LRP1B: variants seen among roughly 807,000 people sequenced by gnomAD.
The protein encoded by LRP1B is LDL receptor related protein 1B.
A neutral mutation model predicts 556.6 loss-of-function variants in LRP1B; 217 were observed. That is an observed-to-expected ratio of 0.39 (90% confidence interval 0.35 to 0.44). LRP1B has a LOEUF of 0.44. Ranked by LOEUF, LRP1B falls within the 20% of genes least tolerant of loss-of-function variation. LRP1B has a pLI of 1.00. For missense variants in LRP1B, 5,053 were observed against 5,620.8 expected (o/e 0.90, Z 3.23); for synonymous variants, 2,047 against 1,865.8 (o/e 1.10, Z -2.50).
Position 140,802,233 on chromosome 2 carries a change from A to G in LRP1B, c.5359+11424T>C, listed in dbSNP as rs74714836. 4.0e-3 allele frequency among the ~76,000 whole-genome samples: 603 copies of G among 152,282 alleles called. 5 individuals are homozygous for G. Among genetic ancestry groups the G allele is most frequent in the African/African-American group, 0.014 (578 of 41,558 alleles). On this transcript the variant is annotated intron_variant, in intron 32 of 90. Coordinates refer to ENST00000389484, the MANE Select transcript of LRP1B (RefSeq NM_018557.3). Reference sequence around the variant, plus strand: ...TTGTAAGGTCATTTTTGGCTATCAAAATCACTAGGGACTATTACTGACATT... The same window carrying G: ...TTGTAAGGTCATTTTTGGCTATCAAGATCACTAGGGACTATTACTGACATT...
At chr2:141,440,685 A>G (rs1680931206) in intron 3 of LRP1B, among the ~76,000 whole-genome samples, 1 of 152,224 alleles carries the variant, frequency 6.6e-6, no homozygotes, top group Non-Finnish European at 1.5e-5. Context: ...TAAATCTCCA[A>G]CTGGGTTAAC....
At chr2:140,862,493 T>C (rs1692828698) in intron 27 of LRP1B, among the ~76,000 whole-genome samples, 1 of 152,180 alleles carries the variant, frequency 6.6e-6, no homozygotes, top group Non-Finnish European at 1.5e-5. Context: ...CAGAATACAT[T>C]TGCTGACCCT....
chr2:141,148,961 T>A (rs1701853649), intron 7 of LRP1B, among the ~76,000 whole-genome samples: 1 of 152,002 alleles, frequency 6.6e-6, no homozygotes, highest in Non-Finnish European at 1.5e-5. Context: ...TGGTGGCACA[T>A]GCCTGTACTC....
chr2:142,130,747 G>T lies in LRP1B; in HGVS notation c.-18C>A. The stretch of plus-strand genomic sequence containing the variant: ...TCGGACATTGTGGTCGCCCGGTAAG[G>T]AAGCCTGCGCTGGAGACTGCTCGGC... On this transcript the variant is annotated 5_prime_UTR_variant, in exon 1 of 91. Transcript: ENST00000389484. The T allele has an allele frequency of 3.1e-6, 5 of 1,602,818 alleles. No individual in the cohort carries two copies. The highest frequency in any genetic ancestry group is 4.3e-6 in the Non-Finnish European group (5 of 1,173,752).
chr2:142,092,371 A>G (rs1706205277), intron 1 of LRP1B, among the ~76,000 whole-genome samples: 1 of 152,082 alleles, frequency 6.6e-6, no homozygotes, highest in Non-Finnish European at 1.5e-5. Context: ...TTTCATTTGT[A>G]TTATGTACAG....
chr2:141,995,054 A>T (rs2105123349), intron 1 of LRP1B, among the ~76,000 whole-genome samples: 1 of 152,282 alleles, frequency 6.6e-6, no homozygotes, highest in East Asian at 1.9e-4. Context: ...TTAGAATTTT[A>T]AAAGTGGGAG....
In LRP1B at chr2:142,090,683, T is replaced by C. The variant is rs1706132907; in HGVS notation, c.82+39965A>G. Reference sequence around the variant, plus strand: ...AACAAGAATATGCAAGTTGACAGAATGAAAAATGAACTAGCAATACAAAGT... The same window carrying C: ...AACAAGAATATGCAAGTTGACAGAACGAAAAATGAACTAGCAATACAAAGT... On this transcript the variant is annotated intron_variant, in intron 1 of 90. Transcript: ENST00000389484. Among the ~76,000 whole-genome samples the C allele has an allele frequency of 7.2e-5, 11 of 152,214 alleles. No homozygotes were observed. The South Asian group carries it at 2.3e-3, about 32-fold the overall frequency.
rs1559079721 is a variant in LRP1B at position 142,115,564 on chromosome 2, A to AT, written c.82+15083_82+15084insA. On this transcript the variant is annotated intron_variant, in intron 1 of 90. Coordinates refer to ENST00000389484, the MANE Select transcript of LRP1B (RefSeq NM_018557.3). Reference sequence around the variant, plus strand: ...TATGTAATATATATATTATATATGTAATATATATTATATATGTAATATATA... The same window carrying AT: ...TATGTAATATATATATTATATATGTATATATATATTATATATGTAATATATA... Among the ~76,000 whole-genome samples, 102 of 41,004 alleles carry AT rather than the reference A, an allele frequency of 2.5e-3. 15 individuals are homozygous for AT. The highest frequency in any genetic ancestry group is 3.5e-3 in the African/African-American group (36 of 10,374). 26.9% of individuals were successfully genotyped at this position (41,004 alleles called of 152,430 possible).
intron 20 of LRP1B, among the ~76,000 whole-genome samples, chr2:140,928,505 G>A (rs776553634): frequency 1.3e-5 from 2 of 152,198 alleles, no homozygotes; most frequent in East Asian, 1.9e-4. Context: ...AGGGAAATGA[G>A]GGTTCTGGAT....
At chr2:140,416,604 C>T (rs1371063059) in intron 66 of LRP1B, among the ~76,000 whole-genome samples, 1 of 151,858 alleles carries the variant, frequency 6.6e-6, no homozygotes, top group Non-Finnish European at 1.5e-5. Context: ...GGCATTGAGA[C>T]GTGATCATGC....
intron 2 of LRP1B, among the ~76,000 whole-genome samples, chr2:141,582,693 T>C (rs1686990095): frequency 6.6e-6 from 1 of 151,902 alleles, no homozygotes; most frequent in African/African-American, 2.4e-5. Context: ...ATTGTGAAAA[T>C]TGTTGAAGTA....
intron 7 of LRP1B, among the ~76,000 whole-genome samples, chr2:141,108,547 A>C (rs1210308512): frequency 6.6e-6 from 1 of 151,764 alleles, no homozygotes; most frequent in Non-Finnish European, 1.5e-5. Context: ...ACACAGTTTC[A>C]CCATGTTGGC....
rs970768403 is a variant in LRP1B at position 141,656,747 on chromosome 2, T to C, written c.205+153532A>G. 2.0e-5 allele frequency among the ~76,000 whole-genome samples: 3 copies of C among 152,160 alleles called. No individual in the cohort carries two copies. The East Asian group carries it at 5.8e-4, about 29-fold the overall frequency. ...TGAGCTGAGAACTTTGAACATTTCATATATATGTATGTAAAGTATGTATGA... is the reference window on the plus strand; with the variant it reads ...TGAGCTGAGAACTTTGAACATTTCACATATATGTATGTAAAGTATGTATGA... On this transcript the variant is annotated intron_variant, in intron 2 of 90. Coordinates refer to ENST00000389484, the MANE Select transcript of LRP1B (RefSeq NM_018557.3).
intron 2 of LRP1B, among the ~76,000 whole-genome samples, chr2:141,545,624 T>C (rs1177332080): frequency 1.3e-5 from 2 of 152,144 alleles, no homozygotes; most frequent in African/African-American, 4.8e-5. Context: ...GTGGGAGAAT[T>C]GCTTGAGCCC....
intron 6 of LRP1B, among the ~76,000 whole-genome samples, chr2:141,194,255 G>A (rs369425804): frequency 1.3e-4 from 20 of 152,058 alleles, no homozygotes; most frequent in Admixed American, 6.6e-4. Context: ...TGTTTTTAAC[G>A]TTTTGAAAAT....
chr2:140,328,796 AAACACACTT>A (rs1680635548), intron 79 of LRP1B, among the ~76,000 whole-genome samples: 1 of 151,736 alleles, frequency 6.6e-6, no homozygotes, highest in Admixed American at 6.6e-5. Flanking sequence ...ACACACACAC[AAACACACTT>A]ATTTTTCATA....
At chr2:141,677,804 T>C (rs113232266) in intron 2 of LRP1B, among the ~76,000 whole-genome samples, 4,997 of 152,282 alleles carry the variant, frequency 0.033, 112 homozygotes, top group Non-Finnish European at 0.048. Flanking sequence ...TTTCTTTTTC[T>C]TAAAAGCATT....
chr2:141,578,119 G>A (rs1686821552), intron 2 of LRP1B, among the ~76,000 whole-genome samples: 1 of 152,132 alleles, frequency 6.6e-6, no homozygotes, highest in Admixed American at 6.5e-5. Context: ...CAGTCAGCTG[G>A]GCGCAGTGCC....
intron 2 of LRP1B, among the ~76,000 whole-genome samples, chr2:141,803,213 G>A (rs34003758): frequency 0.18 from 27,239 of 149,130 alleles, 2,914 homozygotes; most frequent in East Asian, 0.38. Context: ...GCCTGCAATC[G>A]ACCTTTTTTT....
Sources: allele counts gnomAD v4.1 joint callset (sites outside exome capture counted in the v4.1 genomes callset), GRCh38; gene constraint gnomAD v4.1.1; transcripts MANE v1.5; gene names NCBI Gene and HGNC (gene_info 2026-07-23, HGNC 2026-07-21).